The following MLLT3 variants were observed in gnomAD, a reference collection of about 807,000 sequenced individuals.
The protein encoded by MLLT3 is protein AF-9.
In MLLT3, 4 loss-of-function variants were observed where a neutral mutation model predicts 53.2. That is an observed-to-expected ratio of 0.08 (90% CI 0.04 to 0.17). The LOEUF is 0.17. MLLT3 is among the 10% of genes least tolerant of loss of function. The pLI is 1.00. For synonymous variants in MLLT3, 283 were observed against 230.6 expected, an observed-to-expected ratio of 1.23 and a Z score of -2.06; for missense variants, 569 against 684.0, an observed-to-expected ratio of 0.83 and a Z score of 1.87.
chr9:20,414,333 G>GCTA lies in MLLT3; in HGVS notation c.512_513insTAG (p.Ser190dup). On this transcript the variant is annotated inframe_insertion, in exon 5 of 11. Transcript: ENST00000380338. ...TGCTACTGCTGCTGCTGCTGCTGCT[G>GCTA]CTGCTGCTGCTACTGCTGCTGCTGC... is the stretch of plus-strand genomic sequence containing the variant. 6.2e-7 allele frequency: 1 copy of GCTA among 1,606,046 alleles called. No individual in the cohort carries two copies. The highest frequency in any genetic ancestry group is 8.5e-7 in the Non-Finnish European group (1 of 1,177,674).
At chr9:20,457,238 CTTTTTTTTTTTTTTT>C (rs769037689) in intron 2 of MLLT3, among the ~76,000 whole-genome samples, 2 of 63,738 alleles carry the variant, frequency 3.1e-5, no homozygotes, top group African/African-American at 1.2e-4. Context: ...ACAAGGACAT[CTTTTTTTTTTTTTTT>C]TTTTTTTTTT....
chr9:20,501,433 T>C (rs1041993380), intron 2 of MLLT3, among the ~76,000 whole-genome samples: 17 of 152,142 alleles, frequency 1.1e-4, no homozygotes, highest in Admixed American at 9.2e-4. Context: ...AAAGGAGCCC[T>C]CATTAAGACC....
At chr9:20,566,765 T>A (rs993111393) in intron 2 of MLLT3, among the ~76,000 whole-genome samples, 5 of 152,188 alleles carry the variant, frequency 3.3e-5, no homozygotes, top group South Asian at 2.1e-4. Context: ...TTACATATGC[T>A]TGTGCCCATG....
intron 2 of MLLT3, among the ~76,000 whole-genome samples, chr9:20,589,485 G>C (rs1205000613): frequency 6.7e-6 from 1 of 148,862 alleles, no homozygotes; most frequent in Non-Finnish European, 1.5e-5. Context: ...CCTAATGCTA[G>C]ATGACGAGTT....
chr9:20,607,610 T>G (rs1820602100), intron 2 of MLLT3, among the ~76,000 whole-genome samples: 1 of 152,120 alleles, frequency 6.6e-6, no homozygotes. Flanking sequence ...ACAAACATTC[T>G]AAGGTAGAGT....
intron 7 of MLLT3, 130 bp downstream of exon 7, chr9:20,363,346 C>T (rs1563937162): frequency 3.8e-6 from 4 of 1,045,104 alleles, no homozygotes; most frequent in Non-Finnish European, 4.2e-6. Context: ...CAAGGAGACC[C>T]TGCATCAAAT....
chr9:20,359,551 C>A (rs1224051416), intron 8 of MLLT3, among the ~76,000 whole-genome samples: 2 of 152,240 alleles, frequency 1.3e-5, no homozygotes, highest in African/African-American at 4.8e-5. Context: ...GTACTGGTAT[C>A]ATTCCTACTT....
At chr9:20,522,490 T>C (rs1818089248) in intron 2 of MLLT3, among the ~76,000 whole-genome samples, 1 of 152,154 alleles carries the variant, frequency 6.6e-6, no homozygotes, top group Admixed American at 6.5e-5. Flanking sequence ...TTAGAACATA[T>C]AATTATTGCC....
intron 2 of MLLT3, among the ~76,000 whole-genome samples, chr9:20,537,040 A>T (rs1459599946): frequency 1.3e-5 from 2 of 152,254 alleles, no homozygotes; most frequent in Admixed American, 1.3e-4. Context: ...GGTGCCCTGC[A>T]TTGCCAGCTG....
chr9:20,584,957 G>C (rs1321996341), intron 2 of MLLT3, among the ~76,000 whole-genome samples: 1 of 152,194 alleles, frequency 6.6e-6, no homozygotes, highest in East Asian at 1.9e-4. Context: ...TATAAATAAA[G>C]CTGTTATAAA....
chr9:20,565,958 A>T (rs10964607), intron 2 of MLLT3, among the ~76,000 whole-genome samples: 7 of 33,912 alleles, frequency 2.1e-4, no homozygotes, highest in African/African-American at 6.1e-4. Flanking sequence ...ATATATTTAT[A>T]TATATATATT....
chr9:20,564,941 T>A (rs1046598039), intron 2 of MLLT3, among the ~76,000 whole-genome samples: 2 of 152,144 alleles, frequency 1.3e-5, no homozygotes, highest in African/African-American at 4.8e-5. Flanking sequence ...GGGTAGCACT[T>A]AATATGACTG....
chr9:20,381,902 T>A (rs958388577), intron 5 of MLLT3, among the ~76,000 whole-genome samples: 2 of 151,818 alleles, frequency 1.3e-5, no homozygotes, highest in Non-Finnish European at 2.9e-5. Context: ...TAATTAGAGG[T>A]CTAATCCTTA....
intron 5 of MLLT3, among the ~76,000 whole-genome samples, chr9:20,408,013 G>C (rs553199236): frequency 1.3e-5 from 2 of 152,248 alleles, no homozygotes; most frequent in South Asian, 4.2e-4. Flanking sequence ...AAACAATAAT[G>C]CATTGAATAG....
chr9:20,609,422 C>T (rs975747962), intron 2 of MLLT3, among the ~76,000 whole-genome samples: 5 of 151,928 alleles, frequency 3.3e-5, no homozygotes, highest in African/African-American at 4.8e-5. Context: ...TACAGACAGC[C>T]CTCAATTAGC....
chr9:20,472,742 T>C (rs572669743), intron 2 of MLLT3, among the ~76,000 whole-genome samples: 24 of 152,206 alleles, frequency 1.6e-4, no homozygotes, highest in African/African-American at 2.4e-4. Flanking sequence ...CAAACCAAAT[T>C]TAGAAATATC....
chr9:20,501,435 A>G lies in MLLT3; in HGVS notation c.194-44649T>C, dbSNP rs1162195944. Among the ~76,000 whole-genome samples the G allele has an allele frequency of 5.3e-5, 8 of 152,180 alleles. No homozygotes were observed. The East Asian group carries it at 1.5e-3, about 29-fold the overall frequency. On this transcript the variant is annotated intron_variant, in intron 2 of 10. Coordinates refer to ENST00000380338, the MANE Select transcript of MLLT3 (RefSeq NM_004529.4). ...ACTTACAATATCCAAAGGAGCCCTC[A>G]TTAAGACCTAGGAGACTCAGTTAAA...
At chr9:20,560,687 G>A (rs914516796) in intron 2 of MLLT3, among the ~76,000 whole-genome samples, 1 of 152,148 alleles carries the variant, frequency 6.6e-6, no homozygotes, top group Non-Finnish European at 1.5e-5. Context: ...TGTGGGCGGG[G>A]AGCATTGTGG....
At chr9:20,576,637 C>A (rs1819660932) in intron 2 of MLLT3, among the ~76,000 whole-genome samples, 1 of 152,022 alleles carries the variant, frequency 6.6e-6, no homozygotes, top group Admixed American at 6.6e-5. Context: ...CTTATATGGG[C>A]ACGCTTCATG....
Sources: allele counts gnomAD v4.1 joint callset (sites outside exome capture counted in the v4.1 genomes callset), GRCh38; gene constraint gnomAD v4.1.1; transcripts MANE v1.5; gene names NCBI Gene and HGNC (gene_info 2026-07-23, HGNC 2026-07-21).